The following TMEM255B variants were observed in gnomAD, a reference collection of about 807,000 sequenced individuals.
The protein encoded by TMEM255B is family with sequence similarity 70, member B.
In TMEM255B, 35 loss-of-function variants were observed where a neutral mutation model predicts 34.5. The observed-to-expected ratio is 1.01, with a 90% CI of 0.77 to 1.34. The LOEUF (loss-of-function observed/expected upper bound fraction) is 1.34. Ranked by LOEUF, TMEM255B falls within the 40% of genes most tolerant of loss-of-function variation. TMEM255B has a pLI of 0.00. For missense variants in TMEM255B, 432 were observed against 433.2 expected (o/e 1.00, Z 0.02); for synonymous variants, 206 against 201.2 (o/e 1.02, Z -0.20).
At chr13:113,798,414 A>G (rs973772903) in intron 4 of TMEM255B, among the ~76,000 whole-genome samples, 9 of 147,908 alleles carry the variant, frequency 6.1e-5, no homozygotes, top group African/African-American at 2.0e-4. Flanking sequence ...AAAAGGATGG[A>G]TGACAGATGA....
rs866681009 is a variant in TMEM255B at position 113,800,095 on chromosome 13, T to G, written c.423+676T>G. ...GTGTGTGTGTTTATGTGTGTGTGTG[T>G]GGGGGGGGGTAGGCAGGAGGCGTCC... is the stretch of plus-strand genomic sequence containing the variant. On this transcript the variant is annotated intron_variant, in intron 5 of 8. Transcript: ENST00000375353. The G allele has an allele frequency of 1.1e-3, 1,039 of 978,384 alleles. 1 individual carries two copies. The highest frequency in any genetic ancestry group is 2.9e-3 in the Middle Eastern group (6 of 2,074). The allele number at this position is 978,384 out of a possible 1,614,324, so 60.6% of individuals were successfully genotyped here. A position where few individuals can be genotyped will look rare whatever the true frequency, so the allele number is the denominator to read the frequency against.
intron 2 of TMEM255B, among the ~76,000 whole-genome samples, chr13:113,766,898 A>T (rs1330022873): frequency 6.6e-6 from 1 of 152,232 alleles, no homozygotes; most frequent in Non-Finnish European, 1.5e-5. Context: ...GGTCACCCAG[A>T]TTCAAAAGTA....
chr13:113,776,639 C>A (rs2138536191), intron 3 of TMEM255B, among the ~76,000 whole-genome samples: 1 of 152,336 alleles, frequency 6.6e-6, no homozygotes, highest in Admixed American at 6.5e-5. Flanking sequence ...CCTTGCCTCC[C>A]TGGGCACGCC....
intron 8 of TMEM255B, 76 bp downstream of exon 8, chr13:113,805,104 G>A (rs1040229941): frequency 2.1e-5 from 30 of 1,417,250 alleles, no homozygotes; most frequent in African/African-American, 1.6e-4. Context: ...GGCTGGGGTC[G>A]GAGGGGATGA....
At chr13:113,774,807 C>G (rs2050541432) in intron 3 of TMEM255B, among the ~76,000 whole-genome samples, 1 of 149,544 alleles carries the variant, frequency 6.7e-6, no homozygotes, top group Non-Finnish European at 1.5e-5. Flanking sequence ...ACACAATACA[C>G]TACACACACC....
chr13:113,763,951 G>A (rs1057500721), intron 1 of TMEM255B, among the ~76,000 whole-genome samples: 26 of 152,270 alleles, frequency 1.7e-4, no homozygotes, highest in African/African-American at 6.3e-4. Flanking sequence ...GGCGGAGCTG[G>A]AGGAGGCCTT....
chr13:113,816,911 C>T lies in TMEM255B; in HGVS notation c.*5008C>T, dbSNP rs1235741913. The T allele has an allele frequency of 1.3e-5, 2 of 152,202 alleles. No individual in the cohort carries two copies. The highest frequency in any genetic ancestry group is 2.9e-5 in the Non-Finnish European group (2 of 68,082). The allele number at this position is 152,202 out of a possible 1,614,324, so 9.4% of individuals were successfully genotyped here. ...CAGGCAGGGGCTGTGGCTGGAGCTTCTCCTACAAATGGGCTGTGCTGGGAT... is the reference window on the plus strand; with the variant it reads ...CAGGCAGGGGCTGTGGCTGGAGCTTTTCCTACAAATGGGCTGTGCTGGGAT... On this transcript the variant is annotated 3_prime_UTR_variant, in exon 9 of 9. Coordinates refer to ENST00000375353, the MANE Select transcript of TMEM255B (RefSeq NM_182614.4).
chr13:113,810,848 A>C (rs1171547189), intron 8 of TMEM255B, among the ~76,000 whole-genome samples: 1 of 152,228 alleles, frequency 6.6e-6, no homozygotes, highest in Non-Finnish European at 1.5e-5. Flanking sequence ...TGAACCAGCC[A>C]CACGCTGCTG....
At chr13:113,802,587 C>CTCCAT (rs376587850) in intron 7 of TMEM255B, among the ~76,000 whole-genome samples, 2 of 139,760 alleles carry the variant, frequency 1.4e-5, no homozygotes, top group Admixed American at 7.1e-5. Flanking sequence ...AGGCCAGACC[C>CTCCAT]GGCCCAGCGA....
intron 4 of TMEM255B, among the ~76,000 whole-genome samples, chr13:113,797,082 C>G (rs543287838): frequency 5.3e-5 from 8 of 152,328 alleles, no homozygotes; most frequent in African/African-American, 1.9e-4. Flanking sequence ...GCCGTGGCCC[C>G]GCCGAGGAGC....
intron 3 of TMEM255B, among the ~76,000 whole-genome samples, chr13:113,774,688 CAT>C (rs1250129058): frequency 7.3e-5 from 10 of 137,478 alleles, no homozygotes; most frequent in East Asian, 2.1e-4. Flanking sequence ...ACACACCACA[CAT>C]GACACACACA....
At chr13:113,805,819 C>A (rs1256124720) in intron 8 of TMEM255B, among the ~76,000 whole-genome samples, 1 of 152,174 alleles carries the variant, frequency 6.6e-6, no homozygotes, top group Non-Finnish European at 1.5e-5. Context: ...GTTGAGAACC[C>A]TGGTCCTGAT....
rs2051170278 is a variant in TMEM255B at position 113,806,278 on chromosome 13, G to A, written c.813+1250G>A. ...AGGAACCAGCACTCATGGAGATGGT[G>A]CGTCTGGGGGTCCCTGGGGTCCAGG... On this transcript the variant is annotated intron_variant, in intron 8 of 8. Transcript: ENST00000375353. The surrounding 1 kb of genome is among the most constrained non-coding windows in gnomAD (Gnocchi z 4.2). Among the ~76,000 whole-genome samples the A allele has an allele frequency of 6.6e-6, 1 of 152,094 alleles. No homozygotes were observed. Among genetic ancestry groups the A allele is most frequent in the African/African-American group, 2.4e-5 (1 of 41,416 alleles).
chr13:113,789,021 C>T (rs969901620), intron 3 of TMEM255B, among the ~76,000 whole-genome samples: 1 of 152,072 alleles, frequency 6.6e-6, no homozygotes, highest in African/African-American at 2.4e-5. Context: ...AGGGTCTCCA[C>T]CTTGTTGAGT....
chr13:113,802,760 G>A (rs1229397893), intron 7 of TMEM255B, among the ~76,000 whole-genome samples: 1 of 148,474 alleles, frequency 6.7e-6, no homozygotes, highest in East Asian at 1.9e-4. Context: ...GAAGCTGAGA[G>A]TGACCCTGGC....
chr13:113,784,877 C>T (rs942045225), intron 3 of TMEM255B, among the ~76,000 whole-genome samples: 11 of 151,464 alleles, frequency 7.3e-5, no homozygotes, highest in East Asian at 1.9e-4. Flanking sequence ...TCCTAGGTTT[C>T]GGCACCAAAT....
chr13:113,803,204 A>G (rs9550235), intron 7 of TMEM255B: 79,648 of 146,300 alleles, frequency 0.54, 26,530 homozygotes, highest in East Asian at 0.85. Context: ...GGAACAGGTG[A>G]TACCTCCAGG....
intron 8 of TMEM255B, among the ~76,000 whole-genome samples, chr13:113,807,702 G>A (rs2051207650): frequency 7.2e-6 from 1 of 138,776 alleles, no homozygotes; most frequent in African/African-American, 2.8e-5. Context: ...CTTACGGGAT[G>A]TGGGGGTGGT....
At chr13:113,794,067 G>A (rs1474801792) in intron 3 of TMEM255B, among the ~76,000 whole-genome samples, 1 of 152,240 alleles carries the variant, frequency 6.6e-6, no homozygotes, top group African/African-American at 2.4e-5. Flanking sequence ...TGTGCAGCCT[G>A]GGGCAGAGAT....
Sources: gnomAD v4.1 joint callset for allele counts (sites outside exome capture counted in the v4.1 genomes callset) on GRCh38, gnomAD v4.1.1 for gene constraint, Gnocchi (gnomAD v3.1) non-coding constraint, MANE v1.5 for transcripts, NCBI Gene and HGNC (gene_info 2026-07-23, HGNC 2026-07-21) for gene names.